The following KLHDC10 variants were observed in gnomAD, a reference collection of about 807,000 sequenced individuals.
The protein encoded by KLHDC10 is kelch domain containing 10.
Under a neutral mutation model 56.1 loss-of-function variants are expected in KLHDC10, and 24 were observed. The ratio of observed to expected loss-of-function variants is 0.43; its 90% CI spans 0.31 to 0.60. KLHDC10 has a LOEUF of 0.60. KLHDC10 is among the 20% of genes least tolerant of loss of function. The pLI is 0.11. For synonymous variants in KLHDC10, 188 were observed against 207.1 expected (o/e 0.91, Z 0.79); for missense variants, 349 against 567.0 (o/e 0.62, Z 3.91).
intron 1 of KLHDC10, among the ~76,000 whole-genome samples, chr7:130,082,245 G>T (rs967301012): frequency 6.6e-6 from 1 of 152,106 alleles, no homozygotes; most frequent in Non-Finnish European, 1.5e-5. Context: ...GATTGTCTGA[G>T]CCCAAAAGGT....
Position 130,130,121 on chromosome 7 carries a change from C to A in KLHDC10, c.1120-416C>A, listed in dbSNP as rs2116924144. On this transcript the variant is annotated intron_variant, in intron 9 of 9. Transcript: ENST00000335420. The surrounding 1 kb of genome is among the most constrained non-coding windows in gnomAD (Gnocchi z 4.2). ...CACGAGGTCAGGAGATTGAGACCATCCTGGCTAACACGGATGAAACCCCAT... is the reference window on the plus strand; with the variant it reads ...CACGAGGTCAGGAGATTGAGACCATACTGGCTAACACGGATGAAACCCCAT... Among the ~76,000 whole-genome samples, 2 of 151,988 alleles carry A rather than the reference C, an allele frequency of 1.3e-5. No homozygotes were observed. Among genetic ancestry groups the A allele is most frequent in the South Asian group, 4.2e-4 (2 of 4,802 alleles).
chr7:130,123,202 G>A (rs1228388988), intron 5 of KLHDC10, among the ~76,000 whole-genome samples: 3 of 152,142 alleles, frequency 2.0e-5, no homozygotes, highest in African/African-American at 4.8e-5. Context: ...CTGTGGCTGG[G>A]CGCAGCCTGT....
chr7:130,112,882 G>A (rs950406241), intron 2 of KLHDC10, among the ~76,000 whole-genome samples: 5 of 152,120 alleles, frequency 3.3e-5, no homozygotes, highest in Admixed American at 6.5e-5. Context: ...TGCAGAGATC[G>A]TGAAATTATT....
At position 130,131,001 on chromosome 7, in the gene KLHDC10, C is replaced by A; in HGVS notation, c.*255C>A. 1 of 405,578 alleles carries A rather than the reference C, an allele frequency of 2.5e-6. No individual in the cohort carries two copies. Among genetic ancestry groups the A allele is most frequent in the South Asian group, 4.1e-5 (1 of 24,688 alleles). 25.1% of individuals were successfully genotyped at this position (405,578 alleles called of 1,614,324 possible). A position where few individuals can be genotyped will look rare whatever the true frequency, so the allele number is the denominator to read the frequency against. ...TACTCACATACTCCCTCTTCCTTCT[C>A]GATGGAGTTAAGGGAAAGCCTGAAA... On this transcript the variant is annotated 3_prime_UTR_variant, in exon 10 of 10. Coordinates refer to ENST00000335420, the MANE Select transcript of KLHDC10 (RefSeq NM_014997.4).
chr7:130,095,949 C>T lies in KLHDC10; in HGVS notation c.167-972C>T, dbSNP rs148004118. On this transcript the variant is annotated intron_variant, in intron 1 of 9. Transcript: ENST00000335420. ...AGCTCCTGTTACAGCAATTCCTTCA[C>T]AGTAACGTAATTATTTGTTTACACA... 4.0e-3 allele frequency among the ~76,000 whole-genome samples: 607 copies of T among 152,302 alleles called. 6 individuals are homozygous for T. The highest frequency in any genetic ancestry group is 0.014 in the African/African-American group (597 of 41,580).
rs1263676110 is a variant in KLHDC10, at chr7:130,096,971, T to C, written c.217T>C (p.Cys73Arg). ...DPVRRRFIQS[C>R]PIIRIPNRFL... ...AGTTAGGAGGCGCTTCATTCAGTCC[T>C]GTCCCATCATAAGGATCCCTAACAG... The change falls in exon 2 of 10, where the codon TGT (cysteine) becomes CGT (arginine). Residue 73 changes from cysteine to arginine, a missense_variant. Physicochemically the swap from Cys to Arg is radical, Grantham distance 180 (BLOSUM62 -3). This residue lies in a region of KLHDC10 where 245 missense variants were observed against 470.1 expected (regional missense o/e 0.52). Transcript: ENST00000335420. The C allele has an allele frequency of 1.9e-6, 3 of 1,609,864 alleles. No individual in the cohort carries two copies. The highest frequency in any genetic ancestry group is 2.5e-6 in the Non-Finnish European group (3 of 1,177,034).
At chr7:130,099,100 C>CT (rs900309861) in intron 2 of KLHDC10, among the ~76,000 whole-genome samples, 7 of 152,078 alleles carry the variant, frequency 4.6e-5, no homozygotes, top group African/African-American at 1.7e-4. Flanking sequence ...AAATTTTTCT[C>CT]TTTTTTTGGG....
chr7:130,077,389 A>G lies in KLHDC10; in HGVS notation c.166+6580A>G, dbSNP rs189508395. 9.6e-4 allele frequency among the ~76,000 whole-genome samples: 135 copies of G among 140,868 alleles called. 1 individual carries two copies. Among genetic ancestry groups the G allele is most frequent in the East Asian group, 6.5e-3 (30 of 4,630 alleles). 92.4% of individuals were successfully genotyped at this position (140,868 alleles called of 152,430 possible). A position where few individuals can be genotyped will look rare whatever the true frequency, so the allele number is the denominator to read the frequency against. ...AAAAAAAAAAAAAAAAAAACAGTAT[A>G]TGTATTTATTGTCATTCAAGTATTG... On this transcript the variant is annotated intron_variant, in intron 1 of 9. Coordinates refer to ENST00000335420, the MANE Select transcript of KLHDC10 (RefSeq NM_014997.4).
rs35132418 is a variant in KLHDC10 at position 130,077,353 on chromosome 7, CAAAAAAAAAA to C, written c.166+6564_166+6573del. Reference sequence around the variant, plus strand: ...TGGGTGACTGAACAAGACTCTGTCTCAAAAAAAAAAAAAAAAAAAAAAAAAAAAACAGTAT... The same window carrying C: ...TGGGTGACTGAACAAGACTCTGTCTCAAAAAAAAAAAAAAAAAAACAGTAT... On this transcript the variant is annotated intron_variant, in intron 1 of 9. Coordinates refer to ENST00000335420, the MANE Select transcript of KLHDC10 (RefSeq NM_014997.4). 3.9e-4 allele frequency among the ~76,000 whole-genome samples: 7 copies of C among 17,898 alleles called. 1 individual carries two copies. Among genetic ancestry groups the C allele is most frequent in the East Asian group, 4.8e-3 (2 of 416 alleles). 11.7% of individuals were successfully genotyped at this position (17,898 alleles called of 152,430 possible). A position where few individuals can be genotyped will look rare whatever the true frequency, so the allele number is the denominator to read the frequency against.
rs778082740 is a variant in KLHDC10 at position 130,070,610 on chromosome 7, G to A, written c.-34G>A. ...CGCTGGTTCCGCTGGGTCAGGCGCTGACGGGACCGGGCTGCGGCAATCGTT... is the reference window on the plus strand; with the variant it reads ...CGCTGGTTCCGCTGGGTCAGGCGCTAACGGGACCGGGCTGCGGCAATCGTT... On this transcript the variant is annotated 5_prime_UTR_variant, in exon 1 of 10. Transcript: ENST00000335420. 7.7e-7 allele frequency: 1 copy of A among 1,303,020 alleles called. No individual in the cohort carries two copies. The highest frequency in any genetic ancestry group is 9.8e-7 in the Non-Finnish European group (1 of 1,021,032). 80.7% of individuals were successfully genotyped at this position (1,303,020 alleles called of 1,614,324 possible).
chr7:130,073,667 T>C (rs1795455768), intron 1 of KLHDC10, among the ~76,000 whole-genome samples: 1 of 152,138 alleles, frequency 6.6e-6, no homozygotes, highest in Non-Finnish European at 1.5e-5. Flanking sequence ...CTTTTCTTAC[T>C]TTTTACATCT....
At position 130,124,485 on chromosome 7, in the gene KLHDC10, A is replaced by T; in HGVS notation, c.814A>T (p.Ile272Phe). 1 of 1,605,740 alleles carries T rather than the reference A, an allele frequency of 6.2e-7. No individual in the cohort carries two copies. Among genetic ancestry groups the T allele is most frequent in the Non-Finnish European group, 8.5e-7 (1 of 1,172,828 alleles). Reference protein sequence around the residue: ...RHEIAHDGQRIYILGGGTSWT... With the variant: ...RHEIAHDGQRFYILGGGTSWT... ...TGAAATTGCACATGACGGGCAGAGG[A>T]TTTACATCTTGGGAGGTGGTACTTC... The change falls in exon 6 of 10, where the codon ATT (isoleucine) becomes TTT (phenylalanine). Residue 272 changes from isoleucine (I) to phenylalanine (F), a missense_variant. Around this residue, in one of 2 missense-constraint regions of KLHDC10, gnomAD observed 245 missense variants for 470.1 expected, o/e 0.52. Transcript: ENST00000335420.
In KLHDC10 at chr7:130,070,559, T is replaced by C; in HGVS notation, c.-85T>C. 8.2e-7 allele frequency: 1 copy of C among 1,214,724 alleles called. No homozygotes were observed. Among genetic ancestry groups the C allele is most frequent in the Non-Finnish European group, 1.0e-6 (1 of 959,970 alleles). The allele number at this position is 1,214,724 out of a possible 1,614,324, so 75.2% of individuals were successfully genotyped here. A position where few individuals can be genotyped will look rare whatever the true frequency, so the allele number is the denominator to read the frequency against. On this transcript the variant is annotated 5_prime_UTR_variant, in exon 1 of 10. Transcript: ENST00000335420. ...GCCCCCTTCCCCTGTCTCCTGGGTC[T>C]CTGGAGGAGCCCAGGAAGGAGGCTC... is the stretch of plus-strand genomic sequence containing the variant.
At chr7:130,073,235 A>G (rs984055349) in intron 1 of KLHDC10, among the ~76,000 whole-genome samples, 2 of 151,354 alleles carry the variant, frequency 1.3e-5, no homozygotes, top group African/African-American at 4.8e-5. Flanking sequence ...AACAACAACA[A>G]CAAAAAACTA....
chr7:130,114,917 G>A (rs1796146871), intron 2 of KLHDC10, among the ~76,000 whole-genome samples: 1 of 152,006 alleles, frequency 6.6e-6, no homozygotes, highest in Admixed American at 6.6e-5. Flanking sequence ...AAGGTTAGTA[G>A]GAGAAAAGCT....
chr7:130,082,933 A>G (rs890378629), intron 1 of KLHDC10, among the ~76,000 whole-genome samples: 3 of 152,122 alleles, frequency 2.0e-5, no homozygotes, highest in African/African-American at 7.2e-5. Context: ...TGAACTTCCT[A>G]TTAGTTTTCC....
chr7:130,129,061 G>C (rs1248430048), intron 8 of KLHDC10, among the ~76,000 whole-genome samples: 1 of 151,712 alleles, frequency 6.6e-6, no homozygotes, highest in African/African-American at 2.4e-5. Context: ...GGGCTGCATA[G>C]CTGTCGCCTC....
intron 1 of KLHDC10, among the ~76,000 whole-genome samples, chr7:130,075,996 C>T (rs543666673): frequency 4.0e-5 from 6 of 151,800 alleles, no homozygotes; most frequent in Non-Finnish European, 8.8e-5. Flanking sequence ...ACCTTTTTGG[C>T]ACCAGGGACC....
At chr7:130,092,989 T>G (rs1187194710) in intron 1 of KLHDC10, among the ~76,000 whole-genome samples, 1 of 151,300 alleles carries the variant, frequency 6.6e-6, no homozygotes, top group East Asian at 2.0e-4. Flanking sequence ...GCATTTCTTG[T>G]TTTCTTTTAA....
Sources: gnomAD v4.1 joint callset for allele counts (sites outside exome capture counted in the v4.1 genomes callset) on GRCh38, gnomAD v4.1.1 for gene constraint, gnomAD v4.1.1 regional missense constraint, Gnocchi (gnomAD v3.1) non-coding constraint, MANE v1.5 for transcripts, NCBI Gene and HGNC (gene_info 2026-07-23, HGNC 2026-07-21) for gene names.